The following H2BN1 variants were observed in gnomAD, a reference collection of about 807,000 sequenced individuals.
The protein encoded by H2BN1 is histone H2B.N.
chr17:32,899,556 A>G, the H2BN1 span, among the ~76,000 whole-genome samples: 1 of 152,244 alleles, frequency 6.6e-6, no homozygotes, highest in Non-Finnish European at 1.5e-5. Context: ...TCCAGTCAAA[A>G]GTCTTGGTAA....
chr17:32,897,256 C>G, the H2BN1 span, among the ~76,000 whole-genome samples: 2 of 151,694 alleles, frequency 1.3e-5, no homozygotes. Flanking sequence ...TTATTAGAAC[C>G]AGGAAAACTT....
At chr17:32,895,790 C>T in the H2BN1 span, among the ~76,000 whole-genome samples, 5 of 152,202 alleles carry the variant, frequency 3.3e-5, no homozygotes, top group East Asian at 1.9e-4. Flanking sequence ...TGTCTTCTCT[C>T]GCTTCGTTTT....
At chr17:32,897,724 A>C in the H2BN1 span, among the ~76,000 whole-genome samples, 1 of 152,210 alleles carries the variant, frequency 6.6e-6, no homozygotes, top group East Asian at 1.9e-4. Flanking sequence ...CATGGTAGGT[A>C]GAAGTGACAG....
the H2BN1 span, among the ~76,000 whole-genome samples, chr17:32,902,376 G>A: frequency 6.6e-6 from 1 of 152,028 alleles, no homozygotes; most frequent in African/African-American, 2.4e-5. Context: ...ACTAACTTTG[G>A]GAGGAATTTA....
At chr17:32,902,753 T>TG in the H2BN1 span, among the ~76,000 whole-genome samples, 1 of 151,646 alleles carries the variant, frequency 6.6e-6, no homozygotes, top group East Asian at 1.9e-4. Context: ...GGCAGGAGAA[T>TG]GGTGTGAACC....
At chr17:32,895,854 G>T in the H2BN1 span, among the ~76,000 whole-genome samples, 1 of 152,088 alleles carries the variant, frequency 6.6e-6, no homozygotes, top group African/African-American at 2.4e-5. Context: ...TGTCTCTCTC[G>T]CTCTCGTATC....
the H2BN1 span, among the ~76,000 whole-genome samples, chr17:32,905,400 C>T: frequency 5.9e-5 from 9 of 152,118 alleles, no homozygotes; most frequent in South Asian, 1.2e-3. Flanking sequence ...TACCAAGCAC[C>T]GACAAGAGAT....
the H2BN1 span, among the ~76,000 whole-genome samples, chr17:32,902,097 T>G: frequency 6.7e-6 from 1 of 148,838 alleles, no homozygotes; most frequent in Non-Finnish European, 1.5e-5. Context: ...TCATTTCTCT[T>G]TACGCTTTCT....
At chr17:32,896,472 G>T in the H2BN1 span, among the ~76,000 whole-genome samples, 1 of 152,154 alleles carries the variant, frequency 6.6e-6, no homozygotes, top group South Asian at 2.1e-4. Flanking sequence ...AAAGATGTAA[G>T]GAGATTTTCT....
chr17:32,897,649 G>C, the H2BN1 span, among the ~76,000 whole-genome samples: 3 of 152,168 alleles, frequency 2.0e-5, no homozygotes. Context: ...ACAGATAAGG[G>C]AGCTGGCACT....
At chr17:32,896,114 C>G in the H2BN1 span, among the ~76,000 whole-genome samples, 1 of 152,054 alleles carries the variant, frequency 6.6e-6, no homozygotes, top group Non-Finnish European at 1.5e-5. Flanking sequence ...TAGGGTCTCA[C>G]TACGTTTCCC....
At chr17:32,900,816 C>G in the H2BN1 span, among the ~76,000 whole-genome samples, 2 of 152,186 alleles carry the variant, frequency 1.3e-5, no homozygotes, top group Admixed American at 6.5e-5. Flanking sequence ...CTCCTGACAT[C>G]ATGATCCACC....
At chr17:32,898,879 T>C in the H2BN1 span, among the ~76,000 whole-genome samples, 1 of 152,244 alleles carries the variant, frequency 6.6e-6, no homozygotes. Flanking sequence ...TATTTTCTTC[T>C]GAAGTTTAAG....
the H2BN1 span, among the ~76,000 whole-genome samples, chr17:32,899,884 T>C: frequency 2.0e-5 from 3 of 152,238 alleles, no homozygotes; most frequent in South Asian, 6.2e-4. Context: ...TATAAACATT[T>C]CCGTTTTCCA....
chr17:32,899,867 C>T, the H2BN1 span, among the ~76,000 whole-genome samples: 1 of 151,878 alleles, frequency 6.6e-6, no homozygotes, highest in African/African-American at 2.4e-5. Flanking sequence ...TCTATTAGGT[C>T]ACTATTTATA....
the H2BN1 span, among the ~76,000 whole-genome samples, chr17:32,897,670 C>A: frequency 2.6e-5 from 4 of 151,926 alleles, no homozygotes; most frequent in Non-Finnish European, 5.9e-5. Context: ...TGGGGAGGAG[C>A]CTTACAGGAT....
chr17:32,905,256 G>A, the H2BN1 span, among the ~76,000 whole-genome samples: 8 of 152,300 alleles, frequency 5.3e-5, no homozygotes, highest in South Asian at 1.7e-3. Flanking sequence ...AAACAAAAGA[G>A]GGAGGAGTTG....
chr17:32,896,971 T>C, the H2BN1 span, among the ~76,000 whole-genome samples: 1 of 152,230 alleles, frequency 6.6e-6, no homozygotes, highest in Non-Finnish European at 1.5e-5. Flanking sequence ...CTGGACATTC[T>C]CCTCTAATTA....
At chr17:32,901,535 T>G in the H2BN1 span, among the ~76,000 whole-genome samples, 1 of 152,180 alleles carries the variant, frequency 6.6e-6, no homozygotes, top group Admixed American at 6.5e-5. Flanking sequence ...CATCTTCTAT[T>G]GGGCCTGAAG....
Sources: gnomAD v4.1 joint callset for allele counts (sites outside exome capture counted in the v4.1 genomes callset) on GRCh38, gnomAD v4.1.1 for gene constraint, MANE v1.5 for transcripts, NCBI Gene and HGNC (gene_info 2026-07-23, HGNC 2026-07-21) for gene names.